The following MYO9A variants were observed in gnomAD, a reference collection of about 807,000 sequenced individuals.
MYO9A encodes the protein myosin IXA, also known as unconventional myosin-IXa.
Under a neutral mutation model 293.3 loss-of-function variants are expected in MYO9A, and 103 were observed. The observed-to-expected ratio is 0.35, with a 90% CI of 0.30 to 0.41. The LOEUF is 0.41. MYO9A is among the 10% of genes least tolerant of loss of function. The probability of loss-of-function intolerance (pLI) is 1.00; values close to 1 mark genes in which losing one functional copy is unlikely to be tolerated. For synonymous variants in MYO9A, 1,001 were observed against 1,035.7 expected (o/e 0.97, Z 0.64); for missense variants, 2,685 against 3,033.0 (o/e 0.89, Z 2.69).
chr15:71,829,969 G>A (rs2140537427), intron 40 of MYO9A, 140 bp downstream of exon 40: 1 of 931,986 alleles, frequency 1.1e-6, no homozygotes, highest in Non-Finnish European at 1.6e-6. Flanking sequence ...ACACGTCTTT[G>A]TCATCTCAAC....
At chr15:72,102,841 G>A (rs914306653) in intron 1 of MYO9A, among the ~76,000 whole-genome samples, 2 of 151,212 alleles carry the variant, frequency 1.3e-5, no homozygotes, top group African/African-American at 4.9e-5. Flanking sequence ...AGGCAGCAAA[G>A]GAAAGCAGGA....
At chr15:71,902,004 G>A in intron 22 of MYO9A, among the ~76,000 whole-genome samples, 1 of 152,062 alleles carries the variant, frequency 6.6e-6, no homozygotes, top group East Asian at 1.9e-4. Context: ...AATGTTTAGG[G>A]TTTGTGAGGC....
chr15:71,897,200 C>A, intron 25 of MYO9A: 1 of 440,980 alleles, frequency 2.3e-6, no homozygotes, highest in Non-Finnish European at 4.1e-6. Flanking sequence ...AGGCACTGTA[C>A]TGCCCTTCAC....
intron 24 of MYO9A, 126 bp downstream of exon 24, chr15:71,899,561 G>T: frequency 1.3e-6 from 1 of 797,414 alleles, no homozygotes; most frequent in Non-Finnish European, 2.0e-6. Flanking sequence ...CGGTATCACA[G>T]TATAGTGGAA....
chr15:71,941,457 A>G (rs988807391), intron 15 of MYO9A, among the ~76,000 whole-genome samples: 3 of 152,168 alleles, frequency 2.0e-5, no homozygotes, highest in African/African-American at 7.2e-5. Flanking sequence ...AACAACAACA[A>G]CAAACCCATC....
rs199821438 is a variant in MYO9A at position 71,903,007 on chromosome 15, A to G, written c.2934T>C (p.Phe978=). The G allele has an allele frequency of 7.2e-5, 115 of 1,588,582 alleles. No homozygotes were observed. The highest frequency in any genetic ancestry group is 9.8e-5 in the Non-Finnish European group (114 of 1,161,414). The change falls in exon 22 of 42, where the codon TTT becomes TTC. Residue 978 remains phenylalanine (F), a synonymous_variant. Transcript: ENST00000356056. ...TTTTCCTGAAGAAATCCTGAATGTT[A>G]AATTTGGATGGAATAATATTTCGGG... is the stretch of plus-strand genomic sequence containing the variant. ...LLPRNIIPSK[F]NIQDFFRKIN...
chr15:72,032,621 T>C (rs748771228), intron 2 of MYO9A, 33 bp from the exon 3 acceptor site: 29 of 1,241,078 alleles, frequency 2.3e-5, no homozygotes, highest in Non-Finnish European at 3.2e-5. Flanking sequence ...TTAGTTTCAC[T>C]AAAAAAAAAA....
chr15:71,892,264 T>C lies in MYO9A; in HGVS notation c.5142+1415A>G, dbSNP rs2057199357. 1.3e-5 allele frequency: 2 copies of C among 152,234 alleles called. 1 individual carries two copies. Among genetic ancestry groups the C allele is most frequent in the South Asian group, 4.1e-4 (2 of 4,836 alleles). 9.4% of individuals were successfully genotyped at this position (152,234 alleles called of 1,614,324 possible). A position where few individuals can be genotyped will look rare whatever the true frequency, so the allele number is the denominator to read the frequency against. On this transcript the variant is annotated intron_variant, in intron 26 of 41. Transcript: ENST00000356056. ...CACCAATGTTATATTGTGTGATTAA[T>C]ACAAATTCACATTACATATAGCCTT...
chr15:71,979,796 G>A (rs2076228273), intron 11 of MYO9A, among the ~76,000 whole-genome samples: 1 of 152,062 alleles, frequency 6.6e-6, no homozygotes, highest in African/African-American at 2.4e-5. Flanking sequence ...AACATACAAC[G>A]GAATCACAAG....
intron 3 of MYO9A, among the ~76,000 whole-genome samples, chr15:72,028,771 G>C (rs1163747235): frequency 6.6e-6 from 1 of 151,978 alleles, no homozygotes; most frequent in Non-Finnish European, 1.5e-5. Flanking sequence ...TACTACATAA[G>C]GCTCAAAGAT....
chr15:71,940,188 T>C (rs1253882997), intron 15 of MYO9A, among the ~76,000 whole-genome samples: 2 of 152,146 alleles, frequency 1.3e-5, no homozygotes, highest in East Asian at 1.9e-4. Context: ...AGAAGACTCT[T>C]TGTGCTGTTT....
At chr15:71,879,865 C>T (rs1288438003) in intron 29 of MYO9A, 28 bp from the exon 30 acceptor site, 1 of 1,398,160 alleles carries the variant, frequency 7.2e-7, no homozygotes, top group South Asian at 1.2e-5. Flanking sequence ...AGTTTTAGTA[C>T]ACAATCAACT....
chr15:72,108,980 C>G (rs1174055533), intron 1 of MYO9A, among the ~76,000 whole-genome samples: 2 of 152,110 alleles, frequency 1.3e-5, no homozygotes, highest in Non-Finnish European at 2.9e-5. Flanking sequence ...CCAGGCTGGT[C>G]TCAAACTCCT....
At chr15:71,937,271 G>A (rs1390650184) in intron 16 of MYO9A, among the ~76,000 whole-genome samples, 1 of 152,074 alleles carries the variant, frequency 6.6e-6, no homozygotes, top group African/African-American at 2.4e-5. Context: ...GTGGATAAAA[G>A]GCTATCAAAC....
At chr15:71,867,075 A>AAC (rs35264363) in intron 32 of MYO9A, among the ~76,000 whole-genome samples, 7,289 of 148,050 alleles carry the variant, frequency 0.049, 200 homozygotes, top group African/African-American at 0.076. Flanking sequence ...CAAAAAACAA[A>AAC]ACACACACAC....
Position 71,854,424 on chromosome 15 carries a change from G to C in MYO9A, c.6299C>G (p.Ser2100Cys). The change falls in exon 35 of 42, where the codon TCT becomes TGT. Residue 2100 changes from serine (S) to cysteine (C), a missense_variant. Physicochemically the swap from Ser to Cys is moderately radical, Grantham distance 112 (BLOSUM62 -1). This residue lies in a region of MYO9A where 238 missense variants were observed against 269.1 expected (regional missense o/e 0.88). Coordinates refer to ENST00000356056, the MANE Select transcript of MYO9A (RefSeq NM_006901.4). Reference protein sequence around the residue: ...GLYTEGIYRKSGSTNKIKELR... With the variant: ...GLYTEGIYRKCGSTNKIKELR... ...CTCCTTGATTTTATTAGTCGAACCA[G>C]ACTTTCGATAAATACCTTCTGTATA... 6.2e-7 allele frequency: 1 copy of C among 1,607,404 alleles called. No homozygotes were observed. The highest frequency in any genetic ancestry group is 8.5e-7 in the Non-Finnish European group (1 of 1,177,360).
intron 11 of MYO9A, among the ~76,000 whole-genome samples, chr15:71,983,018 A>G (rs2076314364): frequency 6.6e-6 from 1 of 152,098 alleles, no homozygotes; most frequent in Non-Finnish European, 1.5e-5. Context: ...ATCTTTCTAT[A>G]TACTTATATT....
chr15:71,937,327 C>G (rs1041937843), intron 16 of MYO9A, among the ~76,000 whole-genome samples: 2 of 151,870 alleles, frequency 1.3e-5, no homozygotes, highest in African/African-American at 4.9e-5. Context: ...GAAGAGGCAA[C>G]TGATGTGCAA....
chr15:72,105,446 C>T (rs2080532518), intron 1 of MYO9A, among the ~76,000 whole-genome samples: 1 of 147,492 alleles, frequency 6.8e-6, no homozygotes, highest in South Asian at 2.2e-4. Context: ...AAGCTGGTTT[C>T]AAACTGCTGG....
Sources: gnomAD v4.1 joint callset for allele counts (sites outside exome capture counted in the v4.1 genomes callset) on GRCh38, gnomAD v4.1.1 for gene constraint, gnomAD v4.1.1 regional missense constraint, MANE v1.5 for transcripts, NCBI Gene and HGNC (gene_info 2026-07-23, HGNC 2026-07-21) for gene names.